The following ARHGEF10L variants were observed in gnomAD, a reference collection of about 807,000 sequenced individuals.
ARHGEF10L encodes the protein rho guanine nucleotide exchange factor 10-like protein.
Under a neutral mutation model 141.2 loss-of-function variants are expected in ARHGEF10L, and 69 were observed. That is an observed-to-expected ratio of 0.49 (90% CI 0.40 to 0.60). The LOEUF is 0.60. Among genes scored for constraint, ARHGEF10L ranks in the 20% least tolerant of loss-of-function variants. The pLI, the probability that ARHGEF10L is intolerant of heterozygous loss-of-function variation, is 0.00. For missense variants in ARHGEF10L, 1,482 were observed against 1,734.3 expected (o/e 0.85, Z 2.58); for synonymous variants, 711 against 718.5 (o/e 0.99, Z 0.17).
chr1:17,636,838 A>C (rs746638770), intron 18 of ARHGEF10L, among the ~76,000 whole-genome samples: 1 of 152,018 alleles, frequency 6.6e-6, no homozygotes, highest in Non-Finnish European at 1.5e-5. Flanking sequence ...GCTTCATAAG[A>C]CCTCAGTGTG....
At chr1:17,529,446 A>G in the ARHGEF10L span, among the ~76,000 whole-genome samples, 1 of 152,234 alleles carries the variant, frequency 6.6e-6, no homozygotes, top group South Asian at 2.1e-4. Context: ...CCAGCTTCTC[A>G]GGGTGGGGAG....
intron 1 of ARHGEF10L, among the ~76,000 whole-genome samples, chr1:17,578,257 G>C (rs1228614672): frequency 6.6e-6 from 1 of 152,198 alleles, no homozygotes; most frequent in East Asian, 1.9e-4. Flanking sequence ...CCCTGTAGCA[G>C]GAGTGCCGTG....
rs1176183435 is a variant in ARHGEF10L at position 17,639,888 on chromosome 1, C to A, written c.2172-314C>A. ...GACCTGTGGACAGCTGACCGCTGAC[C>A]AGGTGGAGTCACAGCCTGCAGAGGC... On this transcript the variant is annotated intron_variant, in intron 20 of 28. Coordinates refer to ENST00000361221, the MANE Select transcript of ARHGEF10L (RefSeq NM_018125.4). The surrounding 1 kb of genome is among the most constrained non-coding windows in gnomAD (Gnocchi z 4.3). 1 of 1,419,160 alleles carries A rather than the reference C, an allele frequency of 7.0e-7. No homozygotes were observed. Among genetic ancestry groups the A allele is most frequent in the Non-Finnish European group, 9.3e-7 (1 of 1,072,490 alleles). 87.9% of individuals were successfully genotyped at this position (1,419,160 alleles called of 1,614,324 possible).
chr1:17,667,960 C>T (rs1210464045), intron 26 of ARHGEF10L, among the ~76,000 whole-genome samples: 3 of 152,216 alleles, frequency 2.0e-5, no homozygotes, highest in East Asian at 1.9e-4. Context: ...CTGCTTCAGA[C>T]GGGACCGTAG....
In ARHGEF10L at chr1:17,607,547, A is replaced by G. The variant is rs1168318792; in HGVS notation, c.434-255A>G. Among the ~76,000 whole-genome samples the G allele has an allele frequency of 6.6e-6, 1 of 152,194 alleles. No homozygotes were observed. Among genetic ancestry groups the G allele is most frequent in the Non-Finnish European group, 1.5e-5 (1 of 68,030 alleles). Reference sequence around the variant, plus strand: ...AAAAGCAGTGCTGGGAGCAAAAGGAAGTGAGCGGGCTTGTGCACGTCTGAC... The same window carrying G: ...AAAAGCAGTGCTGGGAGCAAAAGGAGGTGAGCGGGCTTGTGCACGTCTGAC... On this transcript the variant is annotated intron_variant, in intron 6 of 28. Coordinates refer to ENST00000361221, the MANE Select transcript of ARHGEF10L (RefSeq NM_018125.4). This position sits in a 1 kb window ranked among gnomAD's most constrained non-coding sequence, Gnocchi z 4.5.
intron 21 of ARHGEF10L, among the ~76,000 whole-genome samples, chr1:17,641,803 AC>A (rs1453120864): frequency 2.6e-5 from 4 of 151,774 alleles, no homozygotes; most frequent in African/African-American, 7.3e-5. Context: ...ACATGGTGAA[AC>A]CCCATCTCTA....
rs2062083174 is a variant in ARHGEF10L at position 17,654,001 on chromosome 1, C to T, written c.2395-635C>T. Among the ~76,000 whole-genome samples the T allele has an allele frequency of 1.3e-5, 2 of 152,260 alleles. No individual in the cohort carries two copies. The highest frequency in any genetic ancestry group is 2.4e-5 in the African/African-American group (1 of 41,472). ...CCAGTGGTCGGCTGCATCCTCCTTC[C>T]AGCCAAGAGCAGTCTCTACTCTGTC... On this transcript the variant is annotated intron_variant, in intron 22 of 28. Transcript: ENST00000361221. This position sits in a 1 kb window ranked among gnomAD's most constrained non-coding sequence, Gnocchi z 4.3.
chr1:17,592,198 C>T (rs979786817), intron 4 of ARHGEF10L, among the ~76,000 whole-genome samples: 2 of 152,334 alleles, frequency 1.3e-5, no homozygotes, highest in African/African-American at 4.8e-5. Flanking sequence ...GGACTCAGGC[C>T]TGCACCCCTC....
chr1:17,688,451 C>G (rs1192613238), intron 27 of ARHGEF10L, among the ~76,000 whole-genome samples: 1 of 152,256 alleles, frequency 6.6e-6, no homozygotes, highest in Admixed American at 6.5e-5. Context: ...TCAGAGCAGA[C>G]CACGGGGCCA....
At chr1:17,529,014 T>C in the ARHGEF10L span, among the ~76,000 whole-genome samples, 4 of 152,110 alleles carry the variant, frequency 2.6e-5, no homozygotes, top group Non-Finnish European at 5.9e-5. Flanking sequence ...TGTTTTGTTT[T>C]GTTTTTTGAG....
chr1:17,540,843 G>T (rs1194587960), intron 1 of ARHGEF10L, among the ~76,000 whole-genome samples: 2 of 152,188 alleles, frequency 1.3e-5, no homozygotes, highest in Non-Finnish European at 2.9e-5. Context: ...CCTGCCGGGA[G>T]CCCCATCTGC....
At chr1:17,526,171 T>C in the ARHGEF10L span, among the ~76,000 whole-genome samples, 2 of 152,126 alleles carry the variant, frequency 1.3e-5, no homozygotes, top group Non-Finnish European at 2.9e-5. Context: ...CTGGGTTCCC[T>C]GCCAGTGCTC....
intron 22 of ARHGEF10L, among the ~76,000 whole-genome samples, chr1:17,653,164 G>T (rs1041076671): frequency 2.6e-4 from 40 of 152,192 alleles, no homozygotes; most frequent in African/African-American, 8.9e-4. Context: ...AGATTTCAGG[G>T]TCTCTGCTCT....
At chr1:17,687,844 A>C in intron 27 of ARHGEF10L, 97 bp downstream of exon 27, 5 of 1,319,390 alleles carry the variant, frequency 3.8e-6, no homozygotes, top group African/African-American at 1.5e-5. Context: ...ATTTTCCCTC[A>C]TCAGCCCTGA....
chr1:17,617,351 C>A (rs1463195210), intron 9 of ARHGEF10L, among the ~76,000 whole-genome samples: 1 of 152,212 alleles, frequency 6.6e-6, no homozygotes, highest in South Asian at 2.1e-4. Flanking sequence ...CCCCTGATCC[C>A]CTGAAGCCCC....
intron 26 of ARHGEF10L, among the ~76,000 whole-genome samples, chr1:17,666,092 C>T (rs950359419): frequency 6.6e-6 from 1 of 152,184 alleles, no homozygotes; most frequent in Non-Finnish European, 1.5e-5. Context: ...TTGGGTGAGG[C>T]CCACCCACAC....
At position 17,619,660 on chromosome 1, in the gene ARHGEF10L, G is replaced by GT. The variant is rs1425441233; in HGVS notation, c.942+219dup. ...CTACCCCGTGTGCTCTGTGCTGTTG[G>GT]TTTTGGGGGGTGGGCTCCCGGCATC... On this transcript the variant is annotated intron_variant, in intron 10 of 28. Coordinates refer to ENST00000361221, the MANE Select transcript of ARHGEF10L (RefSeq NM_018125.4). The surrounding 1 kb of genome is among the most constrained non-coding windows in gnomAD (Gnocchi z 5.0). Among the ~76,000 whole-genome samples the GT allele has an allele frequency of 1.3e-5, 2 of 152,180 alleles. No individual in the cohort carries two copies. The highest frequency in any genetic ancestry group is 6.5e-5 in the Admixed American group (1 of 15,282).
chr1:17,623,227 G>C lies in ARHGEF10L; in HGVS notation c.1200+52G>C, dbSNP rs2060202245. On this transcript the variant is annotated intron_variant, in intron 12 of 28. Transcript: ENST00000361221. This position sits in a 1 kb window ranked among gnomAD's most constrained non-coding sequence, Gnocchi z 4.7. ...GCCCACCAAGGTAAAACCACAACCAGTCTGACCCCGGGGCCATGCAGTCCA... is the reference window on the plus strand; with the variant it reads ...GCCCACCAAGGTAAAACCACAACCACTCTGACCCCGGGGCCATGCAGTCCA... 6.3e-7 allele frequency: 1 copy of C among 1,584,186 alleles called. No homozygotes were observed. The highest frequency in any genetic ancestry group is 1.3e-5 in the African/African-American group (1 of 74,082).
At chr1:17,592,444 G>A (rs987803820) in intron 4 of ARHGEF10L, among the ~76,000 whole-genome samples, 22 of 152,124 alleles carry the variant, frequency 1.4e-4, no homozygotes, top group Admixed American at 1.2e-3. Context: ...TCTCTCATTG[G>A]GGCCTGGAGC....
Sources: allele counts gnomAD v4.1 joint callset (sites outside exome capture counted in the v4.1 genomes callset), GRCh38; gene constraint gnomAD v4.1.1; non-coding constraint Gnocchi (gnomAD v3.1); transcripts MANE v1.5; gene names NCBI Gene and HGNC (gene_info 2026-07-23, HGNC 2026-07-21).